Variants in DAB1 observed in about 807,000 individuals in gnomAD.
DAB1 encodes disabled homolog 1.
Under a neutral mutation model 64.6 loss-of-function variants are expected in DAB1, and 15 were observed. The ratio of observed to expected loss-of-function variants is 0.23; its 90% confidence interval spans 0.16 to 0.36. DAB1 has a LOEUF of 0.36. Ranked by LOEUF, DAB1 falls within the 10% of genes least tolerant of loss-of-function variation. The probability of loss-of-function intolerance (pLI) is 1.00; values close to 1 mark genes in which losing one functional copy is unlikely to be tolerated. For synonymous variants in DAB1, 235 were observed against 251.9 expected (o/e 0.93, Z 0.64); for missense variants, 596 against 706.7 (o/e 0.84, Z 1.78).
intron 1 of DAB1, among the ~76,000 whole-genome samples, chr1:57,358,887 G>A (rs1186416766): frequency 6.6e-6 from 1 of 151,920 alleles, no homozygotes; most frequent in Non-Finnish European, 1.5e-5. Context: ...TCAATAAATG[G>A]TGTTGGGAAA....
intron 4 of DAB1, among the ~76,000 whole-genome samples, chr1:58,205,332 A>G (rs570360226): frequency 6.6e-6 from 1 of 152,050 alleles, no homozygotes; most frequent in Admixed American, 6.6e-5. Context: ...CCTTTCCCCA[A>G]ATCACCACCC....
intron 5 of DAB1, among the ~76,000 whole-genome samples, chr1:57,995,778 G>A (rs1288773045): frequency 6.6e-6 from 1 of 151,894 alleles, no homozygotes; most frequent in East Asian, 1.9e-4. Context: ...TGAAAATGAG[G>A]CCAGCAGGGG....
intron 2 of DAB1, among the ~76,000 whole-genome samples, chr1:57,290,754 A>G (rs1203464312): frequency 6.6e-6 from 1 of 152,230 alleles, no homozygotes; most frequent in East Asian, 1.9e-4. Context: ...AGATATTTAA[A>G]AACTCATTCC....
intron 5 of DAB1, among the ~76,000 whole-genome samples, chr1:58,061,485 C>T (rs747248900): frequency 1.6e-4 from 24 of 152,124 alleles, no homozygotes; most frequent in Non-Finnish European, 3.1e-4. Context: ...TGATCTCTGC[C>T]TTCGTCTTCA....
At chr1:58,214,627 G>C (rs2100301808) in intron 4 of DAB1, among the ~76,000 whole-genome samples, 1 of 152,294 alleles carries the variant, frequency 6.6e-6, no homozygotes, top group South Asian at 2.1e-4. Flanking sequence ...ATTAGGGTTT[G>C]TTAAATAATG....
intron 1 of DAB1, among the ~76,000 whole-genome samples, chr1:57,312,155 A>AC (rs1329135988): frequency 4.6e-5 from 7 of 152,160 alleles, no homozygotes; most frequent in African/African-American, 7.2e-5. Flanking sequence ...CCACAACACG[A>AC]CCCCAGCCCT....
intron 5 of DAB1, among the ~76,000 whole-genome samples, chr1:58,123,273 CA>C: frequency 6.6e-6 from 1 of 152,048 alleles, no homozygotes; most frequent in Non-Finnish European, 1.5e-5. Context: ...TAGGATGTGT[CA>C]AAACATTGAG....
At chr1:57,286,873 C>T (rs1393691691) in intron 2 of DAB1, among the ~76,000 whole-genome samples, 1 of 151,966 alleles carries the variant, frequency 6.6e-6, no homozygotes, top group Non-Finnish European at 1.5e-5. Context: ...AGCATTACAA[C>T]CAAGTAAGAT....
At chr1:57,827,508 C>A (rs919533951) in intron 1 of DAB1, among the ~76,000 whole-genome samples, 1 of 152,142 alleles carries the variant, frequency 6.6e-6, no homozygotes, top group Non-Finnish European at 1.5e-5. Flanking sequence ...ATGACATCTA[C>A]CTCATCAAAT....
At chr1:58,124,261 TCAAA>T (rs1482533995) in intron 5 of DAB1, among the ~76,000 whole-genome samples, 38 of 151,964 alleles carry the variant, frequency 2.5e-4, no homozygotes, top group African/African-American at 5.1e-4. Flanking sequence ...ACTCATAAAC[TCAAA>T]CAAAGATGGT....
At chr1:57,528,586 C>A (rs919185480) in intron 7 of DAB1, among the ~76,000 whole-genome samples, 1 of 151,404 alleles carries the variant, frequency 6.6e-6, no homozygotes, top group Non-Finnish European at 1.5e-5. Context: ...CTAGGCACAT[C>A]ATAGCTAAAT....
chr1:58,204,961 T>C (rs1331292567), intron 4 of DAB1, among the ~76,000 whole-genome samples: 1 of 152,318 alleles, frequency 6.6e-6, no homozygotes, highest in South Asian at 2.1e-4. Flanking sequence ...GTGTTACATA[T>C]GTGATAGTAT....
intron 7 of DAB1, among the ~76,000 whole-genome samples, chr1:57,455,247 C>T (rs1361263519): frequency 1.4e-4 from 21 of 152,118 alleles, no homozygotes; most frequent in Non-Finnish European, 4.4e-5. Flanking sequence ...AGGGACGGGT[C>T]ATTTTGTGAA....
At chr1:57,591,923 T>C (rs1344913319) in intron 7 of DAB1, among the ~76,000 whole-genome samples, 1 of 152,192 alleles carries the variant, frequency 6.6e-6, no homozygotes, top group Non-Finnish European at 1.5e-5. Flanking sequence ...AGTTATTTCA[T>C]CTAATACCTT....
At chr1:58,485,794 A>G (rs942938275) in intron 3 of DAB1, among the ~76,000 whole-genome samples, 19 of 152,288 alleles carry the variant, frequency 1.2e-4, no homozygotes, top group African/African-American at 4.6e-4. Flanking sequence ...AACTCCACGC[A>G]CTGCACATAA....
intron 5 of DAB1, among the ~76,000 whole-genome samples, chr1:58,138,821 G>T (rs1654102232): frequency 6.6e-6 from 1 of 152,148 alleles, no homozygotes; most frequent in Non-Finnish European, 1.5e-5. Flanking sequence ...GAAAGAAAAA[G>T]GAAGAGAAGA....
chr1:57,114,794 A>T (rs1307436452), intron 4 of DAB1, among the ~76,000 whole-genome samples: 1 of 152,174 alleles, frequency 6.6e-6, no homozygotes, highest in African/African-American at 2.4e-5. Context: ...CTAAAATCAG[A>T]GTGAGATGAG....
chr1:57,288,006 G>C (rs1043350100), intron 2 of DAB1, among the ~76,000 whole-genome samples: 1 of 152,010 alleles, frequency 6.6e-6, no homozygotes, highest in African/African-American at 2.4e-5. Context: ...GTGTTGGCCA[G>C]GCTGGTCTCG....
intron 1 of DAB1, among the ~76,000 whole-genome samples, chr1:57,292,264 A>C (rs1258021144): frequency 6.6e-6 from 1 of 152,214 alleles, no homozygotes; most frequent in African/African-American, 2.4e-5. Context: ...CAGAAAGTCT[A>C]ATATAAAAGC....
Sources: allele counts gnomAD v4.1 joint callset (sites outside exome capture counted in the v4.1 genomes callset), GRCh38; gene constraint gnomAD v4.1.1; transcripts MANE v1.5; gene names NCBI Gene and HGNC (gene_info 2026-07-23, HGNC 2026-07-21).